Variants in COX10 observed in about 807,000 individuals in gnomAD.
COX10 encodes cytochrome c oxidase assembly factor heme A:farnesyltransferase COX10.
In COX10, 27 loss-of-function variants were observed where a neutral mutation model predicts 37.3. The ratio of observed to expected loss-of-function variants is 0.72; its 90% CI spans 0.53 to 1.00. The LOEUF is 1.00. Ranked by LOEUF, COX10 falls within the 50% of genes least tolerant of loss-of-function variation. COX10 has a pLI of 0.00. For missense variants in COX10, 475 were observed against 563.2 expected (o/e 0.84, Z 1.59); for synonymous variants, 222 against 229.1 (o/e 0.97, Z 0.28).
At chr17:14,151,895 T>C (rs903043473) in intron 4 of COX10, among the ~76,000 whole-genome samples, 6 of 152,228 alleles carry the variant, frequency 3.9e-5, no homozygotes, top group African/African-American at 1.4e-4. Context: ...TAAAATAATT[T>C]AGTGCAGTCT....
chr17:14,090,552 TG>T (rs775223327), intron 3 of COX10, among the ~76,000 whole-genome samples: 5 of 152,220 alleles, frequency 3.3e-5, no homozygotes, highest in Non-Finnish European at 7.3e-5. Context: ...GATGCATTTT[TG>T]TTCATAGTTA....
chr17:14,108,810 A>G (rs1398541238), intron 4 of COX10, among the ~76,000 whole-genome samples: 1 of 152,126 alleles, frequency 6.6e-6, no homozygotes, highest in Non-Finnish European at 1.5e-5. Context: ...TATGAGATTA[A>G]TATCTAATGC....
chr17:14,104,308 G>A (rs1453588319), intron 4 of COX10, among the ~76,000 whole-genome samples: 1 of 152,102 alleles, frequency 6.6e-6, no homozygotes, highest in African/African-American at 2.4e-5. Flanking sequence ...TCCCAATAAT[G>A]TTAGGGATAT....
Position 14,097,844 on chromosome 17 carries a change from G to A in COX10, c.500-4274G>A, listed in dbSNP as rs557221280. 6.1e-4 allele frequency among the ~76,000 whole-genome samples: 93 copies of A among 152,162 alleles called. 2 individuals carry two copies. The East Asian group carries it at 8.1e-3, about 13-fold the overall frequency. ...AGAGATATTTAAAGTATAATACATC[G>A]TCCCTTGGAGTATCCCTGGGGGATT... On this transcript the variant is annotated intron_variant, in intron 3 of 6. Coordinates refer to ENST00000261643, the MANE Select transcript of COX10 (RefSeq NM_001303.4).
At chr17:14,073,395 G>A (rs1915072912) in intron 1 of COX10, among the ~76,000 whole-genome samples, 1 of 152,118 alleles carries the variant, frequency 6.6e-6, no homozygotes, top group Non-Finnish European at 1.5e-5. Context: ...TTAAGTAATG[G>A]TTTTATGTAC....
At chr17:14,116,932 C>T (rs1200171914) in intron 4 of COX10, among the ~76,000 whole-genome samples, 1 of 152,184 alleles carries the variant, frequency 6.6e-6, no homozygotes, top group African/African-American at 2.4e-5. Flanking sequence ...CCTGTGTGAA[C>T]ATTGTGCCAC....
chr17:14,141,034 C>T (rs528643410), intron 4 of COX10, among the ~76,000 whole-genome samples: 5 of 151,818 alleles, frequency 3.3e-5, no homozygotes, highest in African/African-American at 7.3e-5. Flanking sequence ...ACATGGATAT[C>T]GTCTAGGATT....
intron 4 of COX10, among the ~76,000 whole-genome samples, chr17:14,149,627 C>T (rs2142232144): frequency 6.6e-6 from 1 of 152,076 alleles, no homozygotes; most frequent in East Asian, 1.9e-4. Context: ...TTTAGGGTGG[C>T]TAGGAGTGTG....
At chr17:14,071,005 A>G (rs187582541) in intron 1 of COX10, among the ~76,000 whole-genome samples, 1 of 152,188 alleles carries the variant, frequency 6.6e-6, no homozygotes, top group Non-Finnish European at 1.5e-5. Flanking sequence ...GTGATTTTCC[A>G]TAATGAAAAG....
chr17:14,075,680 A>C (rs934578435), intron 2 of COX10, among the ~76,000 whole-genome samples: 1 of 152,138 alleles, frequency 6.6e-6, no homozygotes, highest in Non-Finnish European at 1.5e-5. Flanking sequence ...TTCTGTCTTC[A>C]TCCTGCCCTG....
At chr17:14,200,493 C>G (rs1906514205) in intron 6 of COX10, among the ~76,000 whole-genome samples, 1 of 152,182 alleles carries the variant, frequency 6.6e-6, no homozygotes, top group East Asian at 1.9e-4. Context: ...GGGGTTCCCT[C>G]CAGCTGTTCT....
intron 4 of COX10, among the ~76,000 whole-genome samples, chr17:14,112,923 G>A (rs1368685709): frequency 6.6e-6 from 1 of 152,164 alleles, no homozygotes; most frequent in Non-Finnish European, 1.5e-5. Context: ...AAGGGCATAT[G>A]TGCTTTGCTA....
intron 4 of COX10, among the ~76,000 whole-genome samples, chr17:14,133,063 G>A (rs1394107392): frequency 1.3e-5 from 2 of 151,588 alleles, no homozygotes; most frequent in Non-Finnish European, 3.0e-5. Flanking sequence ...AATGTGTGGT[G>A]TTTGTGAAGT....
intron 5 of COX10, among the ~76,000 whole-genome samples, chr17:14,168,216 A>G (rs954335137): frequency 6.6e-6 from 1 of 152,128 alleles, no homozygotes; most frequent in Non-Finnish European, 1.5e-5. Context: ...CTCCAAAATA[A>G]TCTCTTTTGA....
intron 5 of COX10, among the ~76,000 whole-genome samples, chr17:14,164,356 G>A (rs1905233064): frequency 6.6e-6 from 1 of 152,152 alleles, no homozygotes; most frequent in South Asian, 2.1e-4. Flanking sequence ...ATGCCCATGT[G>A]ACTGTCATTA....
intron 5 of COX10, among the ~76,000 whole-genome samples, chr17:14,187,711 T>C: frequency 6.6e-6 from 1 of 152,216 alleles, no homozygotes; most frequent in Non-Finnish European, 1.5e-5. Context: ...CAGTTTGCAT[T>C]TGGAGTACCT....
At chr17:14,150,434 A>G (rs1904860330) in intron 4 of COX10, among the ~76,000 whole-genome samples, 1 of 152,184 alleles carries the variant, frequency 6.6e-6, no homozygotes, top group African/African-American at 2.4e-5. Context: ...TGCAATATTA[A>G]TGTTTGAAAT....
At chr17:14,148,219 C>G (rs1034766418) in intron 4 of COX10, among the ~76,000 whole-genome samples, 3 of 152,094 alleles carry the variant, frequency 2.0e-5, no homozygotes, top group African/African-American at 4.8e-5. Flanking sequence ...CTGATGAATG[C>G]CAGAGCACAC....
chr17:14,160,740 G>A (rs1905157126), intron 5 of COX10, among the ~76,000 whole-genome samples: 1 of 152,000 alleles, frequency 6.6e-6, no homozygotes, highest in Admixed American at 6.6e-5. Flanking sequence ...AATATTAGCT[G>A]GTTTTAGACA....
Sources: allele counts gnomAD v4.1 joint callset (sites outside exome capture counted in the v4.1 genomes callset), GRCh38; gene constraint gnomAD v4.1.1; transcripts MANE v1.5; gene names NCBI Gene and HGNC (gene_info 2026-07-23, HGNC 2026-07-21).